The following RNF169 variants were observed in gnomAD, a reference collection of about 807,000 sequenced individuals.
RNF169 encodes the protein ring finger protein 169.
RNF169 carries 24 observed loss-of-function variants against 53.9 expected under a neutral mutation model. The ratio of observed to expected loss-of-function variants is 0.45; its 90% CI spans 0.32 to 0.63. The LOEUF is 0.63. RNF169 is among the 20% of genes least tolerant of loss of function. The pLI, the probability that RNF169 is intolerant of heterozygous loss-of-function variation, is 0.04. For missense variants in RNF169, 883 were observed against 906.2 expected (o/e 0.97, Z 0.33); for synonymous variants, 396 against 363.5 (o/e 1.09, Z -1.02).
intron 2 of RNF169, among the ~76,000 whole-genome samples, chr11:74,809,916 T>C (rs2035853197): frequency 1.3e-5 from 2 of 152,242 alleles, no homozygotes; most frequent in African/African-American, 4.8e-5. Flanking sequence ...TATACTTTAT[T>C]TTTTGATAAT....
chr11:74,762,683 A>C (rs1408070694), intron 1 of RNF169, among the ~76,000 whole-genome samples: 1 of 152,206 alleles, frequency 6.6e-6, no homozygotes, highest in Non-Finnish European at 1.5e-5. Flanking sequence ...GAAAATCTCC[A>C]GTTTCCAAAA....
At chr11:74,801,642 A>G (rs907643606) in intron 2 of RNF169, among the ~76,000 whole-genome samples, 1 of 152,210 alleles carries the variant, frequency 6.6e-6, no homozygotes, top group Non-Finnish European at 1.5e-5. Flanking sequence ...TATTCAGCCT[A>G]CTTATTAATA....
At chr11:74,772,817 A>G (rs2035279878) in intron 1 of RNF169, among the ~76,000 whole-genome samples, 1 of 152,184 alleles carries the variant, frequency 6.6e-6, no homozygotes, top group Non-Finnish European at 1.5e-5. Flanking sequence ...AGCATAATGA[A>G]CCATTTGTTT....
chr11:74,750,588 C>CTT (rs71036015), intron 1 of RNF169, among the ~76,000 whole-genome samples: 1,055 of 54,530 alleles, frequency 0.019, 314 homozygotes, highest in East Asian at 0.073. Context: ...CTCCCCTCAC[C>CTT]TTTTTTTTTT....
intron 2 of RNF169, among the ~76,000 whole-genome samples, chr11:74,809,523 A>G (rs1393763286): frequency 6.6e-6 from 1 of 152,188 alleles, no homozygotes; most frequent in Non-Finnish European, 1.5e-5. Context: ...TCTCTCTGCC[A>G]TAAATTTCTT....
intron 4 of RNF169, 52 bp from the exon 5 acceptor site, chr11:74,834,624 A>T: frequency 7.7e-7 from 1 of 1,297,182 alleles, no homozygotes; most frequent in Non-Finnish European, 1.1e-6. Flanking sequence ...CTTTTTCCTT[A>T]CCTATATATG....
At chr11:74,782,459 C>T (rs2035429829) in intron 1 of RNF169, among the ~76,000 whole-genome samples, 1 of 152,134 alleles carries the variant, frequency 6.6e-6, no homozygotes, top group Non-Finnish European at 1.5e-5. Flanking sequence ...TCTAGGTAGG[C>T]TGTGCTGTCC....
At chr11:74,779,183 A>T (rs577102) in intron 1 of RNF169, among the ~76,000 whole-genome samples, 2 of 152,068 alleles carry the variant, frequency 1.3e-5, no homozygotes, top group South Asian at 2.1e-4. Flanking sequence ...TGTCTTAGAT[A>T]GATTCCTAGA....
At chr11:74,789,159 T>A (rs1432565714) in intron 1 of RNF169, among the ~76,000 whole-genome samples, 1 of 152,244 alleles carries the variant, frequency 6.6e-6, no homozygotes, top group African/African-American at 2.4e-5. Context: ...ATGTTACTGT[T>A]TTCTATATTT....
intron 1 of RNF169, among the ~76,000 whole-genome samples, chr11:74,756,288 A>G (rs1345246713): frequency 6.6e-6 from 1 of 152,200 alleles, no homozygotes; most frequent in Non-Finnish European, 1.5e-5. Context: ...TGCAAGATAT[A>G]ATTGTAGAAG....
chr11:74,789,205 A>G (rs1032675394), intron 1 of RNF169, among the ~76,000 whole-genome samples: 4 of 152,152 alleles, frequency 2.6e-5, no homozygotes, highest in African/African-American at 7.2e-5. Context: ...AATATCTTCT[A>G]CCTTACTCAG....
intron 5 of RNF169, 107 bp downstream of exon 5, chr11:74,834,882 C>A: frequency 1.5e-6 from 1 of 660,520 alleles, no homozygotes. Flanking sequence ...CAGAATGAGC[C>A]CAGGCATACT....
At chr11:74,771,170 G>A (rs1591394764) in intron 1 of RNF169, among the ~76,000 whole-genome samples, 1 of 152,070 alleles carries the variant, frequency 6.6e-6, no homozygotes, top group East Asian at 1.9e-4. Flanking sequence ...GGAAATACTA[G>A]TTGTAGTAAT....
intron 2 of RNF169, among the ~76,000 whole-genome samples, chr11:74,801,134 C>T (rs2035723453): frequency 6.6e-6 from 1 of 152,146 alleles, no homozygotes; most frequent in Non-Finnish European, 1.5e-5. Context: ...AACATAGTAT[C>T]ATAAATGTGA....
At chr11:74,794,121 T>A (rs1189198680) in intron 2 of RNF169, among the ~76,000 whole-genome samples, 1 of 152,224 alleles carries the variant, frequency 6.6e-6, no homozygotes, top group Non-Finnish European at 1.5e-5. Context: ...ACATTAACTT[T>A]CTAAGTAAAA....
intron 1 of RNF169, among the ~76,000 whole-genome samples, chr11:74,764,106 C>CA (rs2035133610): frequency 1.3e-5 from 2 of 152,250 alleles, no homozygotes; most frequent in South Asian, 4.1e-4. Context: ...TAAGTATAAC[C>CA]AAAAATGAAA....
At chr11:74,803,211 T>TA (rs759310291) in intron 2 of RNF169, among the ~76,000 whole-genome samples, 7 of 151,102 alleles carry the variant, frequency 4.6e-5, no homozygotes, top group Non-Finnish European at 1.0e-4. Flanking sequence ...TCAGCCTCCC[T>TA]AGTAGCTGGA....
chr11:74,836,892 C>T lies in RNF169; in HGVS notation c.*162C>T. Reference sequence around the variant, plus strand: ...TTGTAGTCAATATCCAAGGGAAAAGCATCTCCGTTTCTCTGTGACCCAGGC... The same window carrying T: ...TTGTAGTCAATATCCAAGGGAAAAGTATCTCCGTTTCTCTGTGACCCAGGC... On this transcript the variant is annotated 3_prime_UTR_variant, in exon 6 of 6. Transcript: ENST00000299563. 1 of 613,612 alleles carries T rather than the reference C, an allele frequency of 1.6e-6. No homozygotes were observed. The highest frequency in any genetic ancestry group is 3.3e-5 in the Admixed American group (1 of 30,762). 38.0% of individuals were successfully genotyped at this position (613,612 alleles called of 1,614,324 possible).
chr11:74,825,571 C>T (rs138426959), intron 4 of RNF169, among the ~76,000 whole-genome samples: 14 of 152,110 alleles, frequency 9.2e-5, no homozygotes, highest in South Asian at 8.3e-4. Context: ...ACCACAGGGA[C>T]GATGATGAGT....
Sources: gnomAD v4.1 joint callset for allele counts (sites outside exome capture counted in the v4.1 genomes callset) on GRCh38, gnomAD v4.1.1 for gene constraint, MANE v1.5 for transcripts, NCBI Gene and HGNC (gene_info 2026-07-23, HGNC 2026-07-21) for gene names.